Variants in RNF130 observed in about 807,000 individuals in gnomAD.
RNF130 encodes the protein E3 ubiquitin-protein ligase RNF130.
RNF130 carries 21 observed loss-of-function variants against 44.6 expected under a neutral mutation model. The ratio of observed to expected loss-of-function variants is 0.47; its 90% CI spans 0.33 to 0.68. The LOEUF (loss-of-function observed/expected upper bound fraction) is 0.68. Ranked by LOEUF, RNF130 falls within the 30% of genes least tolerant of loss-of-function variation. The probability of loss-of-function intolerance (pLI) is 0.02; values close to 1 mark genes in which losing one functional copy is unlikely to be tolerated. For missense variants in RNF130, 479 were observed against 560.6 expected, an observed-to-expected ratio of 0.85 and a Z score of 1.47; for synonymous variants, 214 against 210.4, an observed-to-expected ratio of 1.02 and a Z score of -0.15.
intron 7 of RNF130, among the ~76,000 whole-genome samples, chr5:179,927,930 G>T (rs187590506): frequency 8.5e-5 from 13 of 152,188 alleles, no homozygotes; most frequent in African/African-American, 3.1e-4. Context: ...TGGAAACAGG[G>T]AATATATTCT....
At chr5:180,041,225 A>G (rs1764411744) in intron 1 of RNF130, among the ~76,000 whole-genome samples, 1 of 152,246 alleles carries the variant, frequency 6.6e-6, no homozygotes, top group South Asian at 2.1e-4. Flanking sequence ...TTTGGCTTAT[A>G]TTTGAAAGTT....
chr5:179,959,080 G>T (rs774883893), intron 8 of RNF130, among the ~76,000 whole-genome samples: 13 of 152,204 alleles, frequency 8.5e-5, no homozygotes. Flanking sequence ...GCACTGGTTA[G>T]TCAACATGAG....
rs568085377 is a variant in RNF130 at position 180,003,594 on chromosome 5, C to T, written c.693+9467G>A. On this transcript the variant is annotated intron_variant, in intron 3 of 8. Transcript: ENST00000521389. ...TTTTAATCAGTCCTTTAACATTTCC[C>T]ATCACTTTGCGACAGGTAAACCTGT... Among the ~76,000 whole-genome samples, 25 of 152,292 alleles carry T rather than the reference C, an allele frequency of 1.6e-4. No homozygotes were observed. In the South Asian group the frequency reaches 1.7e-3, roughly 10 times the overall value.
At chr5:180,033,629 G>C (rs1355499665) in intron 2 of RNF130, among the ~76,000 whole-genome samples, 1 of 151,782 alleles carries the variant, frequency 6.6e-6, no homozygotes, top group African/African-American at 2.4e-5. Context: ...CCAGGAGGCA[G>C]AGATTGCAGT....
chr5:179,976,297 C>T (rs1050949241), intron 5 of RNF130, among the ~76,000 whole-genome samples: 1 of 152,236 alleles, frequency 6.6e-6, no homozygotes, highest in African/African-American at 2.4e-5. Flanking sequence ...AAGATCCCCT[C>T]ATTCTAGTAA....
At chr5:179,952,766 A>G (rs1019714884), downstream of RNF130, among the ~76,000 whole-genome samples, 1 of 152,230 alleles carries the variant, frequency 6.6e-6, no homozygotes, top group Non-Finnish European at 1.5e-5. Flanking sequence ...CAATAGACAC[A>G]AAGCTTCCGA....
At chr5:180,064,085 G>A (rs191689246) in intron 1 of RNF130, among the ~76,000 whole-genome samples, 5 of 152,300 alleles carry the variant, frequency 3.3e-5, no homozygotes, top group African/African-American at 9.6e-5. Flanking sequence ...GCTAGGCAAC[G>A]TAGGACCTAT....
intron 7 of RNF130, among the ~76,000 whole-genome samples, chr5:179,942,867 A>G (rs1761984497): frequency 6.6e-6 from 1 of 152,146 alleles, no homozygotes; most frequent in Non-Finnish European, 1.5e-5. Flanking sequence ...TGGATATAAG[A>G]TAGGGCTTTT....
chr5:180,042,085 A>G (rs1561703962), intron 1 of RNF130, among the ~76,000 whole-genome samples: 1 of 152,174 alleles, frequency 6.6e-6, no homozygotes, highest in Non-Finnish European at 1.5e-5. Context: ...GTAGTAGATA[A>G]AGAGATGACG....
chr5:180,004,876 T>C (rs1763427306), intron 3 of RNF130, among the ~76,000 whole-genome samples: 1 of 152,208 alleles, frequency 6.6e-6, no homozygotes, highest in South Asian at 2.1e-4. Context: ...CTTTCCCCAA[T>C]GCAAAGTGCC....
At chr5:179,991,537 G>A (rs1278584170) in intron 3 of RNF130, among the ~76,000 whole-genome samples, 3 of 152,112 alleles carry the variant, frequency 2.0e-5, no homozygotes, top group Non-Finnish European at 4.4e-5. Context: ...TTCTTTTGAA[G>A]TTTTTCTTTT....
At chr5:179,923,457 A>G (rs530513102) in intron 7 of RNF130, among the ~76,000 whole-genome samples, 12 of 152,208 alleles carry the variant, frequency 7.9e-5, no homozygotes, top group Non-Finnish European at 1.5e-4. Context: ...ATATATTTTA[A>G]GTTCGGCCTA....
intron 1 of RNF130, among the ~76,000 whole-genome samples, chr5:180,070,492 C>G (rs975186711): frequency 6.6e-6 from 1 of 152,174 alleles, no homozygotes; most frequent in African/African-American, 2.4e-5. Context: ...TAAGAGTGTA[C>G]AAGCAAATCA....
chr5:180,027,937 C>G (rs950281334), intron 2 of RNF130, among the ~76,000 whole-genome samples: 5 of 152,256 alleles, frequency 3.3e-5, no homozygotes, highest in Non-Finnish European at 5.9e-5. Context: ...TAGGCCGCAT[C>G]AACCTCATCG....
intron 1 of RNF130, among the ~76,000 whole-genome samples, chr5:180,070,831 G>C (rs1341059132): frequency 6.6e-6 from 1 of 152,074 alleles, no homozygotes; most frequent in African/African-American, 2.4e-5. Context: ...CCTTTTGGTC[G>C]GCACCCGTGA....
intron 2 of RNF130, among the ~76,000 whole-genome samples, chr5:180,037,449 C>T (rs544742142): frequency 5.4e-4 from 82 of 152,328 alleles, no homozygotes; most frequent in African/African-American, 1.8e-3. Flanking sequence ...TATCCTCCAA[C>T]CCGCACTCAG....
intron 2 of RNF130, among the ~76,000 whole-genome samples, chr5:180,031,876 A>C (rs900633102): frequency 6.6e-6 from 1 of 152,250 alleles, no homozygotes. Flanking sequence ...CTCGCAATAC[A>C]TAAGGATTCT....
At chr5:180,009,397 C>A (rs1763533790) in intron 3 of RNF130, among the ~76,000 whole-genome samples, 1 of 152,082 alleles carries the variant, frequency 6.6e-6, no homozygotes, top group Non-Finnish European at 1.5e-5. Flanking sequence ...TCTCAAAATT[C>A]AACAGTGAAA....
chr5:179,980,285 GTC>G (rs1358248887), intron 3 of RNF130, 85 bp from the exon 4 acceptor site: 1 of 1,291,056 alleles, frequency 7.7e-7, no homozygotes. Context: ...AAAGTATAAA[GTC>G]TCTATTTTAC....
Sources: gnomAD v4.1 joint callset for allele counts (sites outside exome capture counted in the v4.1 genomes callset) on GRCh38, gnomAD v4.1.1 for gene constraint, MANE v1.5 for transcripts, NCBI Gene and HGNC (gene_info 2026-07-23, HGNC 2026-07-21) for gene names.